Variants in KLF8 observed in about 807,000 individuals in gnomAD.
KLF8 encodes the protein Krueppel-like factor 8.
In KLF8, 10 loss-of-function variants were observed where a neutral mutation model predicts 18.2. The ratio of observed to expected loss-of-function variants is 0.55; its 90% CI spans 0.34 to 0.93. KLF8 has a LOEUF of 0.93. Ranked by LOEUF, KLF8 falls within the 40% of genes least tolerant of loss-of-function variation. The probability of loss-of-function intolerance (pLI) is 0.02; values close to 1 mark genes in which losing one functional copy is unlikely to be tolerated. For synonymous variants in KLF8, 109 were observed against 97.3 expected (o/e 1.12, Z -0.71); for missense variants, 264 against 277.9 (o/e 0.95, Z 0.36).
the KLF8 span, among the ~76,000 whole-genome samples, chrX:56,123,269 GAAAA>G: frequency 2.5e-5 from 1 of 39,877 alleles, no homozygotes; most frequent in East Asian, 7.8e-4. Flanking sequence ...AAGAAAGAAA[GAAAA>G]AGAAAGAAAG....
the KLF8 span, among the ~76,000 whole-genome samples, chrX:56,075,477 G>A: frequency 4.5e-5 from 5 of 111,622 alleles, no homozygotes; most frequent in East Asian, 1.4e-3. Context: ...TGGAACATGA[G>A]ATACTCATCC....
chrX:56,056,007 T>G, the KLF8 span, among the ~76,000 whole-genome samples: 3 of 111,678 alleles, frequency 2.7e-5, no homozygotes, highest in African/African-American at 9.8e-5. Context: ...TCGGTTTTGA[T>G]GTACTCCTGG....
At chrX:56,025,079 G>T in the KLF8 span, among the ~76,000 whole-genome samples, 1 of 112,164 alleles carries the variant, frequency 8.9e-6, no homozygotes. Flanking sequence ...TAATTCTTGG[G>T]CTTCCCATGG....
chrX:56,146,486 C>A, the KLF8 span, among the ~76,000 whole-genome samples: 1 of 111,183 alleles, frequency 9.0e-6, no homozygotes, highest in Non-Finnish European at 1.9e-5. Flanking sequence ...ACCACATATT[C>A]TCACTCATAA....
At chrX:55,966,015 A>G in the KLF8 span, among the ~76,000 whole-genome samples, 1 of 112,125 alleles carries the variant, frequency 8.9e-6, no homozygotes, top group Non-Finnish European at 1.9e-5. Context: ...CCCATGGGCT[A>G]TTGGTGGTGG....
the KLF8 span, among the ~76,000 whole-genome samples, chrX:56,056,138 T>C: frequency 8.9e-6 from 1 of 111,912 alleles, no homozygotes; most frequent in African/African-American, 3.2e-5. Flanking sequence ...CAAGGCACTC[T>C]GGCCTTTTGA....
At chrX:56,161,549 G>T in the KLF8 span, among the ~76,000 whole-genome samples, 29 of 111,951 alleles carry the variant, frequency 2.6e-4, no homozygotes, top group African/African-American at 9.1e-4. Context: ...CTTTCTTCCA[G>T]TTGATCAAAT....
At chrX:56,087,236 A>G in the KLF8 span, among the ~76,000 whole-genome samples, 1 of 110,792 alleles carries the variant, frequency 9.0e-6, no homozygotes, top group Non-Finnish European at 1.9e-5. Flanking sequence ...TATGCCTGAT[A>G]TGGTTTGGAT....
rs1411804939 is a variant in KLF8, at chrX:56,232,366, C to G, written c.-969C>G. On this transcript the variant is annotated 5_prime_UTR_variant, in exon 1 of 6. Coordinates refer to ENST00000468660, the MANE Select transcript of KLF8 (RefSeq NM_007250.5). ...TCTCCACCTCCTCCCACTTTGCACT[C>G]TCCTCTAGCGGCCGCCTGTCCTTTT... 1 of 104,011 alleles carries G rather than the reference C, an allele frequency of 9.6e-6. No individual in the cohort carries two copies. The highest frequency in any genetic ancestry group is 2.0e-5 in the Non-Finnish European group (1 of 50,891). 8.6% of individuals were successfully genotyped at this position (104,011 alleles called of 1,213,427 possible). A position where few individuals can be genotyped will look rare whatever the true frequency, so the allele number is the denominator to read the frequency against.
the KLF8 span, among the ~76,000 whole-genome samples, chrX:55,996,516 A>T: frequency 8.9e-6 from 1 of 111,771 alleles, no homozygotes; most frequent in Non-Finnish European, 1.9e-5. Context: ...TTTGAAGTTT[A>T]TGTCCTTTAG....
the KLF8 span, among the ~76,000 whole-genome samples, chrX:55,938,156 T>A: frequency 8.9e-6 from 1 of 111,925 alleles, no homozygotes; most frequent in African/African-American, 3.3e-5. Context: ...GTGAAGCCCA[T>A]CAGACTAACA....
At chrX:56,159,846 A>G in the KLF8 span, among the ~76,000 whole-genome samples, 9 of 110,908 alleles carry the variant, frequency 8.1e-5, no homozygotes, top group South Asian at 3.0e-3. Flanking sequence ...AATCTCCTGG[A>G]TTCATTGATT....
the KLF8 span, among the ~76,000 whole-genome samples, chrX:56,082,163 G>C: frequency 2.7e-5 from 3 of 111,707 alleles, no homozygotes; most frequent in East Asian, 8.4e-4. Context: ...TTGCCATTTC[G>C]TCGTGATCTA....
the KLF8 span, among the ~76,000 whole-genome samples, chrX:56,067,196 C>G: frequency 9.6e-6 from 1 of 104,654 alleles, no homozygotes; most frequent in Non-Finnish European, 2.0e-5. Flanking sequence ...GCATCCAGTA[C>G]TCACGTCTTC....
the KLF8 span, among the ~76,000 whole-genome samples, chrX:56,218,232 T>G: frequency 2.7e-5 from 3 of 110,682 alleles, no homozygotes; most frequent in African/African-American, 9.9e-5. Flanking sequence ...AGATAAAGTA[T>G]GTAAACTCAC....
At chrX:56,048,604 T>G in the KLF8 span, among the ~76,000 whole-genome samples, 3 of 111,755 alleles carry the variant, frequency 2.7e-5, no homozygotes, top group Non-Finnish European at 5.6e-5. Context: ...TTATGAGGGT[T>G]CTGTTCTGTT....
the KLF8 span, among the ~76,000 whole-genome samples, chrX:55,945,288 T>G: frequency 2.5e-4 from 28 of 111,173 alleles, no homozygotes; most frequent in African/African-American, 9.2e-4. Context: ...GGTGTGGTGC[T>G]GAAAAAAATG....
the KLF8 span, among the ~76,000 whole-genome samples, chrX:56,217,246 T>C: frequency 9.0e-6 from 1 of 111,397 alleles, no homozygotes; most frequent in African/African-American, 3.3e-5. Context: ...TAATGCTTCA[T>C]ATGTAGCATG....
chrX:56,241,212 G>A (rs926577802), intron 1 of KLF8, among the ~76,000 whole-genome samples: 1 of 111,477 alleles, frequency 9.0e-6, no homozygotes, highest in Admixed American at 9.5e-5. Context: ...CTTTCATGCA[G>A]AGTGGAGTGC....
Sources: gnomAD v4.1 joint callset for allele counts (sites outside exome capture counted in the v4.1 genomes callset) on GRCh38, gnomAD v4.1.1 for gene constraint, MANE v1.5 for transcripts, NCBI Gene and HGNC (gene_info 2026-07-23, HGNC 2026-07-21) for gene names.